Variants in PLEKHA5 observed in about 807,000 individuals in gnomAD.
PLEKHA5 encodes the protein pleckstrin homology domain-containing family A member 5.
Under a neutral mutation model 181.9 loss-of-function variants are expected in PLEKHA5, and 55 were observed. The observed-to-expected ratio is 0.30, with a 90% confidence interval of 0.24 to 0.38. The LOEUF is 0.38. PLEKHA5 is among the 10% of genes least tolerant of loss of function. The probability of loss-of-function intolerance (pLI) is 1.00; values close to 1 mark genes in which losing one functional copy is unlikely to be tolerated. For missense variants in PLEKHA5, 1,432 were observed against 1,549.5 expected (o/e 0.92, Z 1.27); for synonymous variants, 535 against 529.4 (o/e 1.01, Z -0.15).
At chr12:19,162,245 G>T (rs2043130610) in intron 3 of PLEKHA5, among the ~76,000 whole-genome samples, 1 of 152,048 alleles carries the variant, frequency 6.6e-6, no homozygotes, top group Non-Finnish European at 1.5e-5. Context: ...TTATTTCAGT[G>T]GATAGTAGAG....
intron 3 of PLEKHA5, among the ~76,000 whole-genome samples, chr12:19,216,914 ACTCT>A (rs959487345): frequency 1.3e-5 from 2 of 151,626 alleles, no homozygotes; most frequent in Non-Finnish European, 2.9e-5. Context: ...TCTTTCCTTG[ACTCT>A]CTCTCCAGAA....
At chr12:19,340,273 C>A (rs1436887759) in intron 21 of PLEKHA5, among the ~76,000 whole-genome samples, 1 of 152,018 alleles carries the variant, frequency 6.6e-6, no homozygotes. Flanking sequence ...TAGGAAAACT[C>A]AAATTACTAA....
intron 15 of PLEKHA5, among the ~76,000 whole-genome samples, chr12:19,294,663 A>G (rs1290720620): frequency 3.9e-5 from 6 of 152,226 alleles, no homozygotes; most frequent in African/African-American, 1.4e-4. Context: ...AATTCTGTTA[A>G]TCACTGTCAG....
At chr12:19,229,345 C>T (rs1465218636) in intron 3 of PLEKHA5, among the ~76,000 whole-genome samples, 2 of 152,132 alleles carry the variant, frequency 1.3e-5, no homozygotes, top group African/African-American at 4.8e-5. Context: ...TGTTACAGTT[C>T]TTAAAGGTGG....
chr12:19,274,056 T>C (rs1453463167), intron 10 of PLEKHA5, among the ~76,000 whole-genome samples: 1 of 152,206 alleles, frequency 6.6e-6, no homozygotes, highest in Non-Finnish European at 1.5e-5. Context: ...GGTTCAGATC[T>C]TTGATAGCAT....
At chr12:19,275,229 G>A (rs762512624) in intron 11 of PLEKHA5, among the ~76,000 whole-genome samples, 2 of 152,118 alleles carry the variant, frequency 1.3e-5, no homozygotes, top group Non-Finnish European at 2.9e-5. Context: ...AAAGGCTTGG[G>A]TTACAGGCAG....
intron 29 of PLEKHA5, 140 bp from the exon 30 acceptor site, chr12:19,365,824 C>T: frequency 1.7e-6 from 1 of 597,074 alleles, no homozygotes; most frequent in Non-Finnish European, 2.8e-6. Flanking sequence ...TTGTTTGAAA[C>T]TTTCAAAAGA....
chr12:19,315,350 A>G (rs906121734), intron 16 of PLEKHA5, among the ~76,000 whole-genome samples: 5 of 152,120 alleles, frequency 3.3e-5, no homozygotes, highest in Non-Finnish European at 7.4e-5. Flanking sequence ...ATTTAAATCT[A>G]GTTTCTGTAC....
At chr12:19,161,827 C>T (rs183555537) in intron 3 of PLEKHA5, among the ~76,000 whole-genome samples, 9 of 152,244 alleles carry the variant, frequency 5.9e-5, no homozygotes, top group Admixed American at 2.6e-4. Flanking sequence ...TTTACTATAA[C>T]GTACGTGTTC....
chr12:19,367,012 A>G (rs1477248249), intron 30 of PLEKHA5, among the ~76,000 whole-genome samples: 1 of 151,586 alleles, frequency 6.6e-6, no homozygotes, highest in Non-Finnish European at 1.5e-5. Flanking sequence ...CTGCCTCCCT[A>G]GTAGCTGGGA....
chr12:19,374,529 T>C (rs1437935881), intron 31 of PLEKHA5, among the ~76,000 whole-genome samples: 2 of 151,668 alleles, frequency 1.3e-5, no homozygotes, highest in South Asian at 2.1e-4. Flanking sequence ...CGTGGTGGCA[T>C]GCACCTGTAG....
Position 19,334,829 on chromosome 12 carries a change from A to AAAAAAAAAAATATATATATATATATAT in PLEKHA5, c.2449-1685_2449-1684insAAAAAAAAATATATATATATATATATA. Among the ~76,000 whole-genome samples, 3 of 18,602 alleles carry AAAAAAAAAAATATATATATATATATAT rather than the reference A, an allele frequency of 1.6e-4. 1 individual carries two copies. Among genetic ancestry groups the AAAAAAAAAAATATATATATATATATAT allele is most frequent in the Non-Finnish European group, 4.3e-4 (3 of 6,908 alleles). The allele number at this position is 18,602 out of a possible 152,430, so 12.2% of individuals were successfully genotyped here. A position where few individuals can be genotyped will look rare whatever the true frequency, so the allele number is the denominator to read the frequency against. ...AAATCCTGTCTTCACAAAAAAAAAAAATATATATATATATATATATATATA... is the reference window on the plus strand; with the variant it reads ...AAATCCTGTCTTCACAAAAAAAAAAAAAAAAAAAAATATATATATATATATATATATATATATATATATATATATATA... On this transcript the variant is annotated intron_variant, in intron 20 of 31. Transcript: ENST00000429027.
At chr12:19,173,307 G>A (rs1242510000) in intron 3 of PLEKHA5, among the ~76,000 whole-genome samples, 1 of 152,016 alleles carries the variant, frequency 6.6e-6, no homozygotes, top group Non-Finnish European at 1.5e-5. Context: ...ACAGGCGTGA[G>A]CCACCGCGCC....
intron 15 of PLEKHA5, among the ~76,000 whole-genome samples, chr12:19,300,859 G>T (rs1282011289): frequency 1.3e-5 from 2 of 151,854 alleles, no homozygotes; most frequent in Non-Finnish European, 2.9e-5. Flanking sequence ...ATTTGGACGG[G>T]TGCGGTGGCT....
At chr12:19,335,979 T>G (rs1441058510) in intron 20 of PLEKHA5, among the ~76,000 whole-genome samples, 2 of 152,162 alleles carry the variant, frequency 1.3e-5, no homozygotes, top group African/African-American at 4.8e-5. Flanking sequence ...ATTCAACAAA[T>G]GACAAGCTGT....
Position 19,348,525 on chromosome 12 carries a change from C to A in PLEKHA5, c.3019+6C>A. 6.4e-7 allele frequency: 1 copy of A among 1,559,552 alleles called. No individual in the cohort carries two copies. Among genetic ancestry groups the A allele is most frequent in the Non-Finnish European group, 8.6e-7 (1 of 1,160,942 alleles). On this transcript the variant is annotated splice_donor_region_variant and intron_variant, in intron 25 of 31. Coordinates refer to ENST00000429027, the MANE Select transcript of PLEKHA5 (RefSeq NM_001256470.2). ...AGAAACTTCAGTTGTTAAAGGTCAG[C>A]ATTTGTAATATGTTTTACCTCTTGG...
intron 9 of PLEKHA5, 74 bp from the exon 10 acceptor site, chr12:19,270,114 C>A: frequency 2.3e-6 from 2 of 876,090 alleles, no homozygotes; most frequent in South Asian, 1.9e-5. Flanking sequence ...CTTCTTTATT[C>A]ATTTTCACCT....
At chr12:19,228,163 C>T (rs1055486196) in intron 3 of PLEKHA5, among the ~76,000 whole-genome samples, 3 of 152,144 alleles carry the variant, frequency 2.0e-5, no homozygotes, top group African/African-American at 7.2e-5. Flanking sequence ...GACTTATGGT[C>T]CTCTGCTGAT....
chr12:19,359,203 T>C (rs1479368703), intron 27 of PLEKHA5, among the ~76,000 whole-genome samples: 1 of 152,196 alleles, frequency 6.6e-6, no homozygotes, highest in Non-Finnish European at 1.5e-5. Flanking sequence ...TTCTGCAAAT[T>C]ACAAAATGAA....
Sources: allele counts gnomAD v4.1 joint callset (sites outside exome capture counted in the v4.1 genomes callset), GRCh38; gene constraint gnomAD v4.1.1; transcripts MANE v1.5; gene names NCBI Gene and HGNC (gene_info 2026-07-23, HGNC 2026-07-21).